The following ANO9 variants were observed in gnomAD, a reference collection of about 807,000 sequenced individuals.
The protein encoded by ANO9 is anoctamin-9.
In ANO9, 80 loss-of-function variants were observed where a neutral mutation model predicts 100.5. The observed-to-expected ratio is 0.80, with a 90% CI of 0.66 to 0.96. The LOEUF is 0.96. Among genes scored for constraint, ANO9 ranks in the 40% least tolerant of loss-of-function variants. ANO9 has a pLI of 0.00. For missense variants in ANO9, 1,064 were observed against 1,072.7 expected (o/e 0.99, Z 0.11); for synonymous variants, 473 against 435.6 (o/e 1.09, Z -1.07).
rs368497607 is a variant in ANO9 at position 418,848 on chromosome 11, G to A, written c.2037-35C>T. The A allele has an allele frequency of 7.0e-4, 1,130 of 1,613,498 alleles. 2 individuals carry two copies. Among genetic ancestry groups the A allele is most frequent in the Non-Finnish European group, 8.6e-4 (1,019 of 1,179,994 alleles). On this transcript the variant is annotated intron_variant, in intron 21 of 22. Transcript: ENST00000332826. ...GGAAGTACCTGAGGTCAGGGGTCAG[G>A]AGTTCAGAGGGCATTCTTGGGGGAT... is the stretch of plus-strand genomic sequence containing the variant.
chr11:432,314 G>A lies in ANO9; in HGVS notation c.351-260C>T, dbSNP rs906383177. ...TGGGGGCTCCTTCTCCTCCCAGCCCGTCCCTCCCAGAAGCCCAGACCACAG... is the reference window on the plus strand; with the variant it reads ...TGGGGGCTCCTTCTCCTCCCAGCCCATCCCTCCCAGAAGCCCAGACCACAG... On this transcript the variant is annotated intron_variant, in intron 4 of 22. Coordinates refer to ENST00000332826, the MANE Select transcript of ANO9 (RefSeq NM_001012302.3). The surrounding 1 kb of genome is among the most constrained non-coding windows in gnomAD (Gnocchi z 4.8). 2.6e-5 allele frequency: 14 copies of A among 534,142 alleles called. No homozygotes were observed. The highest frequency in any genetic ancestry group is 2.2e-4 in the Admixed American group (7 of 31,362). The allele number at this position is 534,142 out of a possible 1,614,324, so 33.1% of individuals were successfully genotyped here. A position where few individuals can be genotyped will look rare whatever the true frequency, so the allele number is the denominator to read the frequency against.
At chr11:423,885 T>TCAAACA (rs1554930432) in intron 15 of ANO9, among the ~76,000 whole-genome samples, 2 of 143,306 alleles carry the variant, frequency 1.4e-5, no homozygotes, top group African/African-American at 5.2e-5. Flanking sequence ...AGTTGAATAC[T>TCAAACA]CACACACACA....
chr11:429,883 G>C (rs1848783049), intron 9 of ANO9, 65 bp from the exon 10 acceptor site: 3 of 1,433,898 alleles, frequency 2.1e-6, no homozygotes, highest in Non-Finnish European at 2.8e-6. Flanking sequence ...AGGTGAGCCA[G>C]GGAGGGAGGC....
In ANO9 at chr11:420,866, G is replaced by A; in HGVS notation, c.1491-6C>T. Reference sequence around the variant, plus strand: ...GGCACTTGTGGGTCACCCACCTGCGGGGAGAGCTGCGTGGCAGGGAGGGCG... The same window carrying A: ...GGCACTTGTGGGTCACCCACCTGCGAGGAGAGCTGCGTGGCAGGGAGGGCG... On this transcript the variant is annotated splice_region_variant and splice_polypyrimidine_tract_variant and intron_variant, in intron 17 of 22. Transcript: ENST00000332826. 3 of 1,590,146 alleles carry A rather than the reference G, an allele frequency of 1.9e-6. No individual in the cohort carries two copies. Among genetic ancestry groups the A allele is most frequent in the East Asian group, 2.3e-5 (1 of 44,086 alleles).
At chr11:433,738 C>G in intron 3 of ANO9, 77 bp downstream of exon 3, 1 of 1,501,290 alleles carries the variant, frequency 6.7e-7, no homozygotes, top group Non-Finnish European at 8.9e-7. Context: ...GGCACCCGCC[C>G]CAGCCCCATG....
intron 20 of ANO9, 156 bp downstream of exon 20, chr11:419,426 G>T: frequency 2.1e-6 from 3 of 1,430,538 alleles, no homozygotes; most frequent in Non-Finnish European, 2.7e-6. Flanking sequence ...GTCAGTGGGC[G>T]CAGGGCAGGG....
chr11:441,539 AGCT>A (rs1237670273), intron 1 of ANO9, among the ~76,000 whole-genome samples: 1 of 152,000 alleles, frequency 6.6e-6, no homozygotes, highest in Non-Finnish European at 1.5e-5. Flanking sequence ...TGCAAGGCAA[AGCT>A]GCCAGGTCTG....
rs756230900 is a variant in ANO9 at position 433,343 on chromosome 11, G to A, written c.321C>T (p.Ala107=). 14 of 1,612,706 alleles carry A rather than the reference G, an allele frequency of 8.7e-6. No individual in the cohort carries two copies. Among genetic ancestry groups the A allele is most frequent in the Admixed American group, 1.7e-5 (1 of 59,914 alleles). ...TGGTGACCGGGATGGTGGTCGGCGC[G>A]GCCAGCTCGGCGTGGGGGGCAGGCC... ...PEGPAPHAEL[A]APTTIPVTTS... The change falls in exon 4 of 23, where the codon GCC becomes GCT. Residue 107 remains alanine, a synonymous_variant. Transcript: ENST00000332826.
rs11334527 is a variant in ANO9 at position 422,831 on chromosome 11, A to AT, written c.1335-1634dup. On this transcript the variant is annotated intron_variant, in intron 15 of 22. Transcript: ENST00000332826. This position sits in a 1 kb window ranked among gnomAD's most constrained non-coding sequence, Gnocchi z 4.3. ...ACAATCTTAAGCCAAGTCCCACAGA[A>AT]TTTTTTTTTTTTTTTTCAGACAGAG... 0.089 allele frequency among the ~76,000 whole-genome samples: 12,634 copies of AT among 142,662 alleles called. 561 individuals are homozygous for AT. The highest frequency in any genetic ancestry group is 0.14 in the Middle Eastern group (40 of 278). The allele number at this position is 142,662 out of a possible 152,430, so 93.6% of individuals were successfully genotyped here.
Position 432,494 on chromosome 11 carries a change from CACACAGCCATGAAGCG to C in ANO9, c.351-456_351-441del, listed in dbSNP as rs886099054. ...CTCAGGAAAGGGAACGTCCCAAGGC[CACACAGCCATGAAGCG>C]GCACAGCCAAGCGTCCGACGGCAGA... On this transcript the variant is annotated intron_variant, in intron 4 of 22. Coordinates refer to ENST00000332826, the MANE Select transcript of ANO9 (RefSeq NM_001012302.3). This position sits in a 1 kb window ranked among gnomAD's most constrained non-coding sequence, Gnocchi z 4.8. 5.9e-6 allele frequency: 1 copy of C among 170,320 alleles called. No homozygotes were observed. Among genetic ancestry groups the C allele is most frequent in the African/African-American group, 2.4e-5 (1 of 41,910 alleles). The allele number at this position is 170,320 out of a possible 1,614,324, so 10.6% of individuals were successfully genotyped here. A position where few individuals can be genotyped will look rare whatever the true frequency, so the allele number is the denominator to read the frequency against.
chr11:418,949 G>A lies in ANO9; in HGVS notation c.1975C>T (p.His659Tyr). The A allele has an allele frequency of 6.2e-7, 1 of 1,613,654 alleles. No individual in the cohort carries two copies. The highest frequency in any genetic ancestry group is 8.5e-7 in the Non-Finnish European group (1 of 1,179,982). Residue 659 changes from histidine (H) to tyrosine (Y), a missense_variant, in exon 21 of 23, where the codon CAC becomes TAC. Physicochemically the swap from His to Tyr is moderately conservative, Grantham distance 83. Transcript: ENST00000332826. Reference protein sequence around the residue: ...GYVNHSLSVFHTKDFQDPDGI... With the variant: ...GYVNHSLSVFYTKDFQDPDGI... ...TCAGGGTCCTGGAAGTCCTTGGTGT[G>A]GAAGACGGACAGGCTGTGGTTGACG...
rs1847998456 is a variant in ANO9 at position 418,808 on chromosome 11, C to T, written c.2042G>A (p.Arg681Lys). ...GSENVTLCRY[R>K]DYRNPPDYNF... ...GTAATCGGGGGGATTGCGGTAGTCC[C>T]TGTATCTGGGGTAAGGAAGTACCTG... Residue 681 changes from arginine (R) to lysine (K), a missense_variant, in exon 22 of 23, where the codon AGG becomes AAG. Arg to Lys is a conservative substitution (Grantham distance 26). Transcript: ENST00000332826. 6.2e-7 allele frequency: 1 copy of T among 1,613,244 alleles called. No homozygotes were observed. The highest frequency in any genetic ancestry group is 1.3e-5 in the African/African-American group (1 of 74,912).
rs756906191 is a variant in ANO9, at chr11:419,739, A to G, written c.1787-10T>C. On this transcript the variant is annotated splice_polypyrimidine_tract_variant and intron_variant, in intron 19 of 22. Transcript: ENST00000332826. ...ACCTGCAGCCAGGTCCCTGCACCAG[A>G]GCAGTGGGCAAGCGGTCTGACTCAG... 6.3e-7 allele frequency: 1 copy of G among 1,593,680 alleles called. No individual in the cohort carries two copies. The highest frequency in any genetic ancestry group is 1.1e-5 in the South Asian group (1 of 90,916).
intron 1 of ANO9, among the ~76,000 whole-genome samples, chr11:441,214 C>A (rs1423427552): frequency 6.6e-6 from 1 of 152,212 alleles, no homozygotes; most frequent in Admixed American, 6.5e-5. Context: ...CTCACCACTG[C>A]CTCCTCCCTG....
chr11:419,192 C>T (rs1848025540), intron 20 of ANO9: 5 of 1,431,962 alleles, frequency 3.5e-6, no homozygotes, highest in Non-Finnish European at 4.6e-6. Context: ...CTCTGGGCAT[C>T]ACCAGCCACT....
In ANO9 at chr11:420,681, C is replaced by A. The variant is rs201020204; in HGVS notation, c.1633+37G>T. 761 of 1,601,536 alleles carry A rather than the reference C, an allele frequency of 4.8e-4. 8 individuals carry two copies. In the East Asian group the frequency reaches 0.016, roughly 34 times the overall value. On this transcript the variant is annotated intron_variant, in intron 18 of 22. Transcript: ENST00000332826. ...TGTCCGCGGACCCCCGCCCCGCATTCGTCTCCGCGAACCCCCGCCCCGCAG... is the reference window on the plus strand; with the variant it reads ...TGTCCGCGGACCCCCGCCCCGCATTAGTCTCCGCGAACCCCCGCCCCGCAG...
intron 1 of ANO9, among the ~76,000 whole-genome samples, chr11:436,563 A>C (rs1849562848): frequency 6.7e-6 from 1 of 149,180 alleles, no homozygotes; most frequent in African/African-American, 2.5e-5. Flanking sequence ...GGGTTGGTCC[A>C]CGGCTAGTAC....
In ANO9 at chr11:432,343, G is replaced by A. The variant is rs573722052; in HGVS notation, c.351-289C>T. ...CTCCCAGAAGCCCAGACCACAGCCCGCACCTGCAACCACACCTCCCACCTG... is the reference window on the plus strand; with the variant it reads ...CTCCCAGAAGCCCAGACCACAGCCCACACCTGCAACCACACCTCCCACCTG... On this transcript the variant is annotated intron_variant, in intron 4 of 22. Coordinates refer to ENST00000332826, the MANE Select transcript of ANO9 (RefSeq NM_001012302.3). The surrounding 1 kb of genome is among the most constrained non-coding windows in gnomAD (Gnocchi z 4.8). 6.2e-5 allele frequency: 31 copies of A among 496,692 alleles called. No individual in the cohort carries two copies. Among genetic ancestry groups the A allele is most frequent in the Admixed American group, 3.3e-4 (10 of 29,980 alleles). The allele number at this position is 496,692 out of a possible 1,614,324, so 30.8% of individuals were successfully genotyped here. A position where few individuals can be genotyped will look rare whatever the true frequency, so the allele number is the denominator to read the frequency against.
Position 433,421 on chromosome 11 carries a change from A to C in ANO9, c.243T>G (p.Arg81=). 1 of 1,613,248 alleles carries C rather than the reference A, an allele frequency of 6.2e-7. No individual in the cohort carries two copies. The highest frequency in any genetic ancestry group is 1.3e-5 in the African/African-American group (1 of 74,994). Residue 81 remains arginine (R), a synonymous_variant, in exon 4 of 23, where the codon CGT becomes CGG. Coordinates refer to ENST00000332826, the MANE Select transcript of ANO9 (RefSeq NM_001012302.3). ...ACAGGCCAAAGACACTGTTGTCAGC[A>C]CGGATCCCAAAGAAGACCTGTTTCT... ...RDQKQVFFGI[R]ADNSVFGLYR...
Sources: allele counts gnomAD v4.1 joint callset (sites outside exome capture counted in the v4.1 genomes callset), GRCh38; gene constraint gnomAD v4.1.1; non-coding constraint Gnocchi (gnomAD v3.1); transcripts MANE v1.5; gene names NCBI Gene and HGNC (gene_info 2026-07-23, HGNC 2026-07-21).